CROT: variants seen among roughly 807,000 people sequenced by gnomAD.
The protein encoded by CROT is peroxisomal carnitine O-octanoyltransferase.
Under a neutral mutation model 89.2 loss-of-function variants are expected in CROT, and 84 were observed. That is an observed-to-expected ratio of 0.94 (90% CI 0.79 to 1.13). The LOEUF is 1.13. Ranked by LOEUF, CROT falls within the 50% of genes most tolerant of loss-of-function variation. The pLI, the probability that CROT is intolerant of heterozygous loss-of-function variation, is 0.00. For missense variants in CROT, 711 were observed against 727.8 expected (o/e 0.98, Z 0.27); for synonymous variants, 212 against 239.5 (o/e 0.89, Z 1.06).
chr7:87,383,971 T>A (rs879580310), intron 13 of CROT, among the ~76,000 whole-genome samples: 3 of 152,154 alleles, frequency 2.0e-5, no homozygotes, highest in African/African-American at 7.2e-5. Flanking sequence ...TAGTTCTTTT[T>A]TTTTTAGTTT....
At chr7:87,364,893 T>G (rs1198675674) in intron 6 of CROT, among the ~76,000 whole-genome samples, 2 of 152,066 alleles carry the variant, frequency 1.3e-5, no homozygotes, top group Non-Finnish European at 2.9e-5. Flanking sequence ...ATGTTTTTAG[T>G]GAAATAAGAA....
At chr7:87,376,033 T>C in intron 9 of CROT, 80 bp downstream of exon 9, 3 of 1,381,014 alleles carry the variant, frequency 2.2e-6, no homozygotes, top group Non-Finnish European at 2.9e-6. Flanking sequence ...GAAGTTTTTT[T>C]TCTTTTTCTA....
At chr7:87,356,181 A>G (rs960446418) in intron 3 of CROT, among the ~76,000 whole-genome samples, 21 of 152,080 alleles carry the variant, frequency 1.4e-4, no homozygotes, top group African/African-American at 4.3e-4. Flanking sequence ...GGGTTTCACC[A>G]TGTTGCCCAG....
rs545285504 is a variant in CROT, at chr7:87,389,895, C to T, written c.1302-1694C>T. Among the ~76,000 whole-genome samples, 67 of 152,034 alleles carry T rather than the reference C, an allele frequency of 4.4e-4. No homozygotes were observed. The East Asian group carries it at 4.6e-3, about 10-fold the overall frequency. ...CATAGCTGGCATTGGAAATTTCACG[C>T]GGTATTTTTTTTTTATATAGAAGAT... On this transcript the variant is annotated intron_variant, in intron 13 of 17. Transcript: ENST00000331536.
chr7:87,354,933 C>G (rs770897126), intron 3 of CROT, among the ~76,000 whole-genome samples: 1 of 152,152 alleles, frequency 6.6e-6, no homozygotes, highest in Non-Finnish European at 1.5e-5. Context: ...CAAATCTTAT[C>G]ATGACTTACA....
At chr7:87,375,765 C>A in intron 8 of CROT, 40 bp downstream of exon 8, 1 of 1,611,990 alleles carries the variant, frequency 6.2e-7, no homozygotes, top group Non-Finnish European at 8.5e-7. Context: ...TTTTCTCTAA[C>A]AAACTCTTTT....
At chr7:87,396,059 C>T (rs1255690405) in intron 17 of CROT, among the ~76,000 whole-genome samples, 1 of 151,992 alleles carries the variant, frequency 6.6e-6, no homozygotes, top group Non-Finnish European at 1.5e-5. Flanking sequence ...ACAGGATTTA[C>T]GACAGAGCCA....
intron 6 of CROT, among the ~76,000 whole-genome samples, chr7:87,362,593 G>C (rs981038787): frequency 4.6e-5 from 7 of 152,026 alleles, no homozygotes; most frequent in Admixed American, 4.6e-4. Context: ...ACCATGCCCG[G>C]CTTGGAGTCA....
At chr7:87,358,924 T>G (rs1806186646) in intron 3 of CROT, among the ~76,000 whole-genome samples, 2 of 152,226 alleles carry the variant, frequency 1.3e-5, no homozygotes, top group South Asian at 2.1e-4. Context: ...AAAAGCCAGA[T>G]AGTGTAAATA....
chr7:87,350,146 G>C lies in CROT; in HGVS notation c.115+963G>C, dbSNP rs150667016. On this transcript the variant is annotated intron_variant, in intron 3 of 17. Transcript: ENST00000331536. The stretch of plus-strand genomic sequence containing the variant: ...AGAAATGCTTTCCAAGTGCTGGAAA[G>C]CTCATGAAACTATGCTGTTATGGGG... Among the ~76,000 whole-genome samples, 1,169 of 152,274 alleles carry C rather than the reference G, an allele frequency of 7.7e-3. 5 individuals carry two copies. Among genetic ancestry groups the C allele is most frequent in the Admixed American group, 0.012 (186 of 15,304 alleles).
chr7:87,354,431 T>C (rs763808329), intron 3 of CROT: 2 of 517,526 alleles, frequency 3.9e-6, no homozygotes, highest in East Asian at 5.5e-5. Context: ...TTCAAGGTTA[T>C]GATTATAGCA....
At chr7:87,352,241 C>A (rs1017151972) in intron 3 of CROT, among the ~76,000 whole-genome samples, 1 of 152,122 alleles carries the variant, frequency 6.6e-6, no homozygotes, top group African/African-American at 2.4e-5. Flanking sequence ...TTATAGTTCC[C>A]CTTTTTTTTG....
intron 6 of CROT, among the ~76,000 whole-genome samples, chr7:87,367,670 G>A (rs1806488049): frequency 6.6e-6 from 1 of 152,126 alleles, no homozygotes; most frequent in African/African-American, 2.4e-5. Flanking sequence ...TCTGTGCTGA[G>A]TCCCGCTTCC....
rs747236050 is a variant in CROT at position 87,382,471 on chromosome 7, A to G, written c.1229A>G (p.Lys410Arg). The G allele has an allele frequency of 1.9e-6, 3 of 1,613,882 alleles. No individual in the cohort carries two copies. The East Asian group carries it at 6.7e-5, about 36-fold the overall frequency. ...AFTSFGKKLTKNKMLHPDTFI... is the reference protein window; with the variant it reads ...AFTSFGKKLTRNKMLHPDTFI... ...ACATCTTTTGGCAAAAAGCTAACCA[A>G]GAACAAGATGCTTCACCCGGATACG... The change falls in exon 13 of 18, where the codon AAG (lysine) becomes AGG (arginine). Residue 410 changes from lysine to arginine, a missense_variant. Coordinates refer to ENST00000331536, the MANE Select transcript of CROT (RefSeq NM_021151.4).
chr7:87,381,826 A>G lies in CROT; in HGVS notation c.979-84A>G, dbSNP rs1294346998. 3 of 886,624 alleles carry G rather than the reference A, an allele frequency of 3.4e-6. No individual in the cohort carries two copies. The African/African-American group carries it at 5.0e-5, about 15-fold the overall frequency. The allele number at this position is 886,624 out of a possible 1,614,324, so 54.9% of individuals were successfully genotyped here. The stretch of plus-strand genomic sequence containing the variant: ...CTCTATGCTTTATTATCTGTTAAGA[A>G]TGGACACAAAGTGAAAATAAAATAT... On this transcript the variant is annotated intron_variant, in intron 10 of 17. Transcript: ENST00000331536.
At chr7:87,382,228 A>C (rs775719093) in intron 12 of CROT, 47 bp downstream of exon 12, 9 of 1,516,354 alleles carry the variant, frequency 5.9e-6, no homozygotes, top group Non-Finnish European at 8.2e-6. Context: ...TTTTCTTTTA[A>C]CAACCATATG....
rs1304757513 is a variant in CROT at position 87,377,394 on chromosome 7, G to T, written c.922G>T (p.Asp308Tyr). ...TGGAGATCCAACAGTACGCTGGGGT[G>T]ACAAATCCTATAACTTGATTTCCTT... The part of the protein sequence containing the change: ...LIGDPTVRWG[D>Y]KSYNLISFSN... The change falls in exon 10 of 18, where the codon GAC becomes TAC. Residue 308 changes from aspartate (D) to tyrosine (Y), a missense_variant. Transcript: ENST00000331536. 1 of 1,611,858 alleles carries T rather than the reference G, an allele frequency of 6.2e-7. No homozygotes were observed. The highest frequency in any genetic ancestry group is 2.2e-5 in the East Asian group (1 of 44,754).
rs547566562 is a variant in CROT at position 87,396,952 on chromosome 7, T to A, written c.1719-1572T>A. Among the ~76,000 whole-genome samples, 14 of 152,348 alleles carry A rather than the reference T, an allele frequency of 9.2e-5. No individual in the cohort carries two copies. In the East Asian group the frequency reaches 2.7e-3, roughly 29 times the overall value. On this transcript the variant is annotated intron_variant, in intron 17 of 17. Transcript: ENST00000331536. ...CCAGTCTTAGGATTCCTATGATTTA[T>A]CTAACTGCTTCTCTACTATTTTGTT...
In CROT at chr7:87,349,976, A is replaced by G. The variant is rs530846167; in HGVS notation, c.115+793A>G. Among the ~76,000 whole-genome samples the G allele has an allele frequency of 2.0e-5, 3 of 152,316 alleles. No individual in the cohort carries two copies. The South Asian group carries it at 6.2e-4, about 32-fold the overall frequency. ...CTTGCATGATATCCCAATTGTTTCT[A>G]GAAAGTTAATATACTAGGTTAGTAA... On this transcript the variant is annotated intron_variant, in intron 3 of 17. Coordinates refer to ENST00000331536, the MANE Select transcript of CROT (RefSeq NM_021151.4).
Sources: allele counts gnomAD v4.1 joint callset (sites outside exome capture counted in the v4.1 genomes callset), GRCh38; gene constraint gnomAD v4.1.1; transcripts MANE v1.5; gene names NCBI Gene and HGNC (gene_info 2026-07-23, HGNC 2026-07-21).